DNAAF4: variants seen among roughly 807,000 people sequenced by gnomAD.
DNAAF4 encodes dynein assembly factor 4, axonemal.
In DNAAF4, 43 loss-of-function variants were observed where a neutral mutation model predicts 51.8. That is an observed-to-expected ratio of 0.83 (90% CI 0.65 to 1.07). The LOEUF is 1.07. DNAAF4 is among the 50% of genes least tolerant of loss of function. The pLI, the probability that DNAAF4 is intolerant of heterozygous loss-of-function variation, is 0.00. For missense variants in DNAAF4, 581 were observed against 493.0 expected (o/e 1.18, Z -1.69); for synonymous variants, 194 against 165.6 (o/e 1.17, Z -1.32).
intron 7 of DNAAF4, among the ~76,000 whole-genome samples, chr15:55,438,747 T>C (rs2057658943): frequency 6.9e-6 from 1 of 144,172 alleles, no homozygotes; most frequent in Non-Finnish European, 1.5e-5. Flanking sequence ...ATTGCACCAC[T>C]ACACTCCAGC....
At chr15:55,504,311 A>G (rs2058715190) in intron 1 of DNAAF4, among the ~76,000 whole-genome samples, 3 of 152,232 alleles carry the variant, frequency 2.0e-5, no homozygotes, top group Admixed American at 2.0e-4. Flanking sequence ...GCTCATGGAT[A>G]GGAAAAATCA....
At chr15:55,490,933 G>T in intron 4 of DNAAF4, 190 bp downstream of exon 4, 2 of 543,640 alleles carry the variant, frequency 3.7e-6, no homozygotes, top group Non-Finnish European at 6.0e-6. Context: ...CAGCCTGGGC[G>T]ACAGAGTGAG....
chr15:55,488,786 C>T (rs569873045), intron 4 of DNAAF4, among the ~76,000 whole-genome samples: 2 of 152,182 alleles, frequency 1.3e-5, no homozygotes, highest in South Asian at 4.1e-4. Context: ...AGCTTTCATA[C>T]ATTAGTAAAT....
chr15:55,429,454 G>A (rs1291740170), downstream of DNAAF4, among the ~76,000 whole-genome samples: 1 of 149,874 alleles, frequency 6.7e-6, no homozygotes. Flanking sequence ...GGAGGTGGAG[G>A]ATGCAGCGAG....
Position 55,498,114 on chromosome 15 carries a change from C to T in DNAAF4, c.123+93G>A. On this transcript the variant is annotated intron_variant, in intron 2 of 9. Transcript: ENST00000321149. ...ATTAAAAATTTAGGACGTTTATCGG[C>T]AAAGATGAGCCTGTTGCTCGTGCCC... The T allele has an allele frequency of 6.3e-6, 10 of 1,588,280 alleles. No individual in the cohort carries two copies. In the South Asian group the frequency reaches 1.2e-4, roughly 18 times the overall value.
intron 1 of DNAAF4, among the ~76,000 whole-genome samples, chr15:55,499,289 TGA>T (rs1336525242): frequency 6.6e-6 from 1 of 152,180 alleles, no homozygotes; most frequent in African/African-American, 2.4e-5. Flanking sequence ...ACACCTCTGT[TGA>T]GTGTTGGGTC....
intron 4 of DNAAF4, among the ~76,000 whole-genome samples, chr15:55,474,986 A>G (rs2058316925): frequency 6.6e-6 from 1 of 152,208 alleles, no homozygotes; most frequent in South Asian, 2.1e-4. Context: ...CTCAAACACA[A>G]AACAAACAAA....
intron 5 of DNAAF4, among the ~76,000 whole-genome samples, chr15:55,455,387 A>AAT (rs10688653): frequency 0.038 from 4,881 of 127,274 alleles, 112 homozygotes; most frequent in East Asian, 0.085. Flanking sequence ...TAGCAAATTG[A>AAT]ATATATATAT....
chr15:55,450,314 C>G lies in DNAAF4; in HGVS notation c.691G>C (p.Ala231Pro), dbSNP rs767535889. 1.9e-6 allele frequency: 3 copies of G among 1,613,812 alleles called. No homozygotes were observed. Among genetic ancestry groups the G allele is most frequent in the African/African-American group, 2.7e-5 (2 of 74,920 alleles). ...TTAATACTGCCAACAGAGCGAGGAG[C>G]AGGAATACTGTCTTCCTTTAACTTC... ...TEKLKEDSIP[A>P]PRSVGSIKIN... Residue 231 changes from alanine to proline, a missense_variant, in exon 6 of 10, where the codon GCT becomes CCT. Ala to Pro is a conservative substitution (Grantham distance 27). Coordinates refer to ENST00000321149, the MANE Select transcript of DNAAF4 (RefSeq NM_130810.4).
At position 55,490,477 on chromosome 15, in the gene DNAAF4, A is replaced by G. The variant is rs371964531; in HGVS notation, c.405+646T>C. Reference sequence around the variant, plus strand: ...TTTCACTTAAAACCCTTAACAGTTAAAAAAATTTGACAATAATGTTTTAAA... The same window carrying G: ...TTTCACTTAAAACCCTTAACAGTTAGAAAAATTTGACAATAATGTTTTAAA... On this transcript the variant is annotated intron_variant, in intron 4 of 9. Transcript: ENST00000321149. Among the ~76,000 whole-genome samples the G allele has an allele frequency of 7.2e-5, 11 of 152,364 alleles. No homozygotes were observed. In the South Asian group the frequency reaches 2.3e-3, roughly 32 times the overall value.
chr15:55,459,587 A>C (rs2058065299), intron 5 of DNAAF4, among the ~76,000 whole-genome samples: 1 of 152,230 alleles, frequency 6.6e-6, no homozygotes, highest in South Asian at 2.1e-4. Flanking sequence ...CCAACCAAGT[A>C]AGTCTTTTAA....
Position 55,430,565 on chromosome 15 carries a change from T to C in DNAAF4, c.*105A>G. On this transcript the variant is annotated 3_prime_UTR_variant, in exon 10 of 10. Coordinates refer to ENST00000321149, the MANE Select transcript of DNAAF4 (RefSeq NM_130810.4). ...TATTTTGCCCTCAACAGAACTAAAG[T>C]ACTAAACAGAAAGCGATTCTGTACA... The C allele has an allele frequency of 1.4e-6, 2 of 1,415,356 alleles. No homozygotes were observed. The highest frequency in any genetic ancestry group is 1.8e-6 in the Non-Finnish European group (2 of 1,084,532). 87.7% of individuals were successfully genotyped at this position (1,415,356 alleles called of 1,614,324 possible). A position where few individuals can be genotyped will look rare whatever the true frequency, so the allele number is the denominator to read the frequency against.
chr15:55,428,477 T>TTTTTTTC (rs1431993823), downstream of DNAAF4, among the ~76,000 whole-genome samples: 1 of 138,360 alleles, frequency 7.2e-6, no homozygotes, highest in Non-Finnish European at 1.5e-5. Context: ...CTCACTGTCT[T>TTTTTTTC]TTTTTTCTTT....
At chr15:55,496,782 A>C (rs1310869411) in intron 3 of DNAAF4, among the ~76,000 whole-genome samples, 3 of 151,952 alleles carry the variant, frequency 2.0e-5, no homozygotes, top group African/African-American at 7.3e-5. Flanking sequence ...TGAGTTCAGG[A>C]TATGCCACCC....
chr15:55,498,396 C>T lies in DNAAF4; in HGVS notation c.-67G>A. On this transcript the variant is annotated 5_prime_UTR_variant, in exon 2 of 10. Coordinates refer to ENST00000321149, the MANE Select transcript of DNAAF4 (RefSeq NM_130810.4). Reference sequence around the variant, plus strand: ...TGCGCCTGCTTGGTTGCTAGGGAAGCTGGGGTTACCATGCGCCAGCCCTTC... The same window carrying T: ...TGCGCCTGCTTGGTTGCTAGGGAAGTTGGGGTTACCATGCGCCAGCCCTTC... 1.3e-6 allele frequency: 2 copies of T among 1,561,702 alleles called. No individual in the cohort carries two copies. Among genetic ancestry groups the T allele is most frequent in the Non-Finnish European group, 1.7e-6 (2 of 1,152,726 alleles).
intron 4 of DNAAF4, among the ~76,000 whole-genome samples, chr15:55,474,755 G>C (rs1324342027): frequency 1.3e-5 from 2 of 151,920 alleles, no homozygotes; most frequent in Non-Finnish European, 2.9e-5. Context: ...GAGGTGGGCG[G>C]ATTACCTGAG....
At chr15:55,500,758 C>T (rs992131911) in intron 1 of DNAAF4, among the ~76,000 whole-genome samples, 1 of 151,844 alleles carries the variant, frequency 6.6e-6, no homozygotes, top group South Asian at 2.1e-4. Flanking sequence ...TTTGGAAGGC[C>T]GAGGTGGGCG....
In DNAAF4 at chr15:55,491,140, G is replaced by C. The variant is rs368804132; in HGVS notation, c.388C>G (p.Leu130Val). 2 of 1,613,850 alleles carry C rather than the reference G, an allele frequency of 1.2e-6. No homozygotes were observed. Among genetic ancestry groups the C allele is most frequent in the Non-Finnish European group, 1.7e-6 (2 of 1,179,996 alleles). The change falls in exon 4 of 10, where the codon CTA becomes GTA. Residue 130 changes from leucine (L) to valine (V), a missense_variant. Coordinates refer to ENST00000321149, the MANE Select transcript of DNAAF4 (RefSeq NM_130810.4). ...CAACTTACCTTCATCATGACACTTAGTGCGTATTTTTGATCTTCCCGCTTT... is the reference window on the plus strand; with the variant it reads ...CAACTTACCTTCATCATGACACTTACTGCGTATTTTTGATCTTCCCGCTTT... ...AAKREDQKYALSVMMKIEEEE... is the reference protein window; with the variant it reads ...AAKREDQKYAVSVMMKIEEEE...
At chr15:55,504,159 C>T (rs1347367084) in intron 1 of DNAAF4, among the ~76,000 whole-genome samples, 2 of 152,156 alleles carry the variant, frequency 1.3e-5, no homozygotes, top group African/African-American at 4.8e-5. Flanking sequence ...CATGAGTGAA[C>T]TCCCATTCAC....
Sources: gnomAD v4.1 joint callset for allele counts (sites outside exome capture counted in the v4.1 genomes callset) on GRCh38, gnomAD v4.1.1 for gene constraint, MANE v1.5 for transcripts, NCBI Gene and HGNC (gene_info 2026-07-23, HGNC 2026-07-21) for gene names.